Variants in PLA2G4C observed in about 807,000 individuals in gnomAD.
PLA2G4C encodes the protein phospholipase A2 group IVC, also known as cytosolic phospholipase A2 gamma.
Under a neutral mutation model 73.8 loss-of-function variants are expected in PLA2G4C, and 64 were observed. The observed-to-expected ratio is 0.87, with a 90% CI of 0.71 to 1.07. The LOEUF (loss-of-function observed/expected upper bound fraction) is 1.07. Among genes scored for constraint, PLA2G4C ranks in the 50% least tolerant of loss-of-function variants. PLA2G4C has a pLI of 0.00. For synonymous variants in PLA2G4C, 254 were observed against 252.1 expected (o/e 1.01, Z -0.07); for missense variants, 622 against 665.4 (o/e 0.93, Z 0.72).
chr19:48,106,626 A>T, intron 1 of PLA2G4C, 65 bp from the exon 2 acceptor site: 1 of 1,322,602 alleles, frequency 7.6e-7, no homozygotes, highest in East Asian at 2.3e-5. Flanking sequence ...ACAGTGGGGG[A>T]GGGCTGGGAC....
At position 48,109,617 on chromosome 19, in the gene PLA2G4C, A is replaced by C. The variant is rs922871332; in HGVS notation, c.-33+870T>G. ...GTGACTAAGTTAAAGTGGGGTCCTG[A>C]GGGTGGCCTGGAATTTGGTTTGATT... is the stretch of plus-strand genomic sequence containing the variant. On this transcript the variant is annotated intron_variant, in intron 1 of 16. Coordinates refer to ENST00000599921, the MANE Select transcript of PLA2G4C (RefSeq NM_003706.3). 3.9e-5 allele frequency among the ~76,000 whole-genome samples: 6 copies of C among 151,932 alleles called. No individual in the cohort carries two copies. The East Asian group carries it at 1.2e-3, about 30-fold the overall frequency.
chr19:48,095,392 C>T (rs1358929574), intron 7 of PLA2G4C, 72 bp downstream of exon 7: 2 of 1,450,648 alleles, frequency 1.4e-6, no homozygotes, highest in Admixed American at 1.8e-5. Context: ...CAAACTAGAC[C>T]CTCAGAAGGA....
chr19:48,083,041 C>T (rs1415430081), intron 10 of PLA2G4C, among the ~76,000 whole-genome samples: 2 of 151,990 alleles, frequency 1.3e-5, no homozygotes, highest in African/African-American at 2.4e-5. Context: ...GTCTCGATCT[C>T]CTGACCTGGT....
At chr19:48,108,355 C>T (rs1271842870) in intron 1 of PLA2G4C, among the ~76,000 whole-genome samples, 2 of 152,150 alleles carry the variant, frequency 1.3e-5, no homozygotes, top group African/African-American at 4.8e-5. Flanking sequence ...AGGCTGGTCT[C>T]ATTCTCCCGG....
intron 2 of PLA2G4C, among the ~76,000 whole-genome samples, chr19:48,106,272 T>C (rs989439668): frequency 7.9e-5 from 12 of 151,932 alleles, no homozygotes; most frequent in African/African-American, 2.9e-4. Context: ...TTTTCTTTTA[T>C]TGTAGAGATA....
At chr19:48,103,899 T>C (rs1285873664) in intron 4 of PLA2G4C, 1 of 152,148 alleles carries the variant, frequency 6.6e-6, no homozygotes, top group Admixed American at 6.6e-5. Context: ...AATTTTCTTT[T>C]TTAGAAAAAA....
At chr19:48,084,322 A>C (rs1275352431) in intron 10 of PLA2G4C, among the ~76,000 whole-genome samples, 1 of 151,838 alleles carries the variant, frequency 6.6e-6, no homozygotes, top group Admixed American at 6.6e-5. Flanking sequence ...GGCCTCCCAA[A>C]GTGCTGGGAT....
chr19:48,053,824 A>G (rs1238016228), intron 15 of PLA2G4C, among the ~76,000 whole-genome samples: 1 of 152,210 alleles, frequency 6.6e-6, no homozygotes, highest in East Asian at 1.9e-4. Flanking sequence ...GACACGATTG[A>G]CAAGCTAAAA....
At chr19:48,054,523 G>A (rs987173128) in intron 15 of PLA2G4C, among the ~76,000 whole-genome samples, 2 of 149,850 alleles carry the variant, frequency 1.3e-5, no homozygotes, top group African/African-American at 4.9e-5. Flanking sequence ...CACTGTGTTA[G>A]CCAGGATGGT....
At position 48,099,687 on chromosome 19, in the gene PLA2G4C, G is replaced by C; in HGVS notation, c.431C>G (p.Ser144Cys). 1 of 1,613,672 alleles carries C rather than the reference G, an allele frequency of 6.2e-7. No homozygotes were observed. The highest frequency in any genetic ancestry group is 8.5e-7 in the Non-Finnish European group (1 of 1,179,780). The change falls in exon 5 of 17, where the codon TCT (serine) becomes TGT (cysteine). Residue 144 changes from serine (S) to cysteine (C), a missense_variant. Ser to Cys is a moderately radical substitution (Grantham distance 112, BLOSUM62 -1). Coordinates refer to ENST00000599921, the MANE Select transcript of PLA2G4C (RefSeq NM_003706.3). Reference sequence around the variant, plus strand: ...ATGACTTACTTCTCTGGTTTGCTTAGAGATAACCATGTAGGCCCAGAAGTC... The same window carrying C: ...ATGACTTACTTCTCTGGTTTGCTTACAGATAACCATGTAGGCCCAGAAGTC... ...LTDFWAYMVI[S>C]KQTRELPESH... is the part of the protein sequence containing the mutation.
chr19:48,107,012 T>G (rs913577265), intron 1 of PLA2G4C, among the ~76,000 whole-genome samples: 3 of 152,066 alleles, frequency 2.0e-5, no homozygotes, highest in Admixed American at 2.0e-4. Flanking sequence ...GCCCGGCTAA[T>G]TTTTGTATTT....
chr19:48,080,993 C>CAAAAAAAAAAAA (rs34388817), intron 10 of PLA2G4C, among the ~76,000 whole-genome samples: 8 of 102,886 alleles, frequency 7.8e-5, no homozygotes, highest in African/African-American at 2.4e-4. Context: ...ACTAAAAATA[C>CAAAAAAAAAAAA]AAAAAAAAAA....
chr19:48,098,029 C>T (rs1471758292), intron 6 of PLA2G4C, 110 bp downstream of exon 6: 2 of 1,235,056 alleles, frequency 1.6e-6, no homozygotes, highest in African/African-American at 1.5e-5. Flanking sequence ...AATCCTGAGC[C>T]CTTCCCTCTT....
At position 48,110,627 on chromosome 19, in the gene PLA2G4C, C is replaced by CG. The variant is rs35716008; in HGVS notation, c.-174dup. Reference sequence around the variant, plus strand: ...CCGGAATCTCCGCGGGTGAAGACTGCGGGGATCCTCGGTGCCAAAGCTTCT... The same window carrying CG: ...CCGGAATCTCCGCGGGTGAAGACTGCGGGGGATCCTCGGTGCCAAAGCTTCT... On this transcript the variant is annotated 5_prime_UTR_variant, in exon 1 of 17. Coordinates refer to ENST00000599921, the MANE Select transcript of PLA2G4C (RefSeq NM_003706.3). The CG allele has an allele frequency of 3.1e-6, 2 of 645,538 alleles. No individual in the cohort carries two copies. Among genetic ancestry groups the CG allele is most frequent in the Non-Finnish European group, 4.2e-6 (2 of 478,292 alleles). 40.0% of individuals were successfully genotyped at this position (645,538 alleles called of 1,614,324 possible). A position where few individuals can be genotyped will look rare whatever the true frequency, so the allele number is the denominator to read the frequency against.
In PLA2G4C at chr19:48,054,978, C is replaced by A. The variant is rs774249207; in HGVS notation, c.1329G>T (p.Leu443=). 2 of 1,613,768 alleles carry A rather than the reference C, an allele frequency of 1.2e-6. No individual in the cohort carries two copies. The highest frequency in any genetic ancestry group is 1.7e-6 in the Non-Finnish European group (2 of 1,179,980). ...TGGCGGGGGCCTTGGACCACAAATC[C>A]AGCTCAGCCTCTTCTACTTGGGGAA... is the stretch of plus-strand genomic sequence containing the variant. ...IPFPQVEEAE[L]DLWSKAPASC... Residue 443 remains leucine, a synonymous_variant, in exon 15 of 17, where the codon CTG becomes CTT. Transcript: ENST00000599921.
chr19:48,106,422 C>T (rs1216540458), intron 2 of PLA2G4C, 100 bp downstream of exon 2: 18 of 936,014 alleles, frequency 1.9e-5, no homozygotes, highest in African/African-American at 4.8e-5. Context: ...CTCCACCAAG[C>T]GAGAGGAACT....
Position 48,053,073 on chromosome 19 carries a change from G to A in PLA2G4C, c.1504C>T (p.Leu502=), listed in dbSNP as rs372707545. 19 of 1,612,656 alleles carry A rather than the reference G, an allele frequency of 1.2e-5. No homozygotes were observed. In the African/African-American group the frequency reaches 1.9e-4, roughly 16 times the overall value. The change falls in exon 16 of 17, where the codon CTA becomes TTA. Residue 502 remains leucine, a synonymous_variant. Coordinates refer to ENST00000599921, the MANE Select transcript of PLA2G4C (RefSeq NM_003706.3). The part of the protein sequence containing the change: ...ADTYTLDVVV[L]LLALAKKNVR... Reference sequence around the variant, plus strand: ...TTCTTCTTGGCTAATGCCAAGAGTAGCACCACCACATCTAGAGTGTAGGTG... The same window carrying A: ...TTCTTCTTGGCTAATGCCAAGAGTAACACCACCACATCTAGAGTGTAGGTG...
At chr19:48,050,172 G>A (rs949462340) in intron 16 of PLA2G4C, among the ~76,000 whole-genome samples, 18 of 152,160 alleles carry the variant, frequency 1.2e-4, no homozygotes, top group African/African-American at 3.6e-4. Flanking sequence ...TGCCCACCTC[G>A]GCCTCCCAAA....
intron 14 of PLA2G4C, chr19:48,061,305 G>A (rs943966768): frequency 2.0e-5 from 3 of 152,164 alleles, no homozygotes; most frequent in Non-Finnish European, 4.4e-5. Context: ...GGAGGAAAAT[G>A]TTTATAAACC....
Sources: allele counts gnomAD v4.1 joint callset (sites outside exome capture counted in the v4.1 genomes callset), GRCh38; gene constraint gnomAD v4.1.1; transcripts MANE v1.5; gene names NCBI Gene and HGNC (gene_info 2026-07-23, HGNC 2026-07-21).